ARG2: variants seen among roughly 807,000 people sequenced by gnomAD.
The protein encoded by ARG2 is arginase-2, mitochondrial.
A neutral mutation model predicts 39.4 loss-of-function variants in ARG2; 21 were observed. The observed-to-expected ratio is 0.53, with a 90% confidence interval of 0.38 to 0.77. The LOEUF (loss-of-function observed/expected upper bound fraction) is 0.77. Among genes scored for constraint, ARG2 ranks in the 30% least tolerant of loss-of-function variants. The pLI is 0.00. For synonymous variants in ARG2, 150 were observed against 156.7 expected, an observed-to-expected ratio of 0.96 and a Z score of 0.32; for missense variants, 378 against 426.2, an observed-to-expected ratio of 0.89 and a Z score of 1.00.
rs768854931 is a variant in ARG2 at position 67,651,300 on chromosome 14, G to C, written c.*380G>C. The C allele has an allele frequency of 3.1e-6, 5 of 1,605,644 alleles. No homozygotes were observed. The South Asian group carries it at 5.6e-5, about 18-fold the overall frequency. On this transcript the variant is annotated 3_prime_UTR_variant, in exon 8 of 8. Coordinates refer to ENST00000261783, the MANE Select transcript of ARG2 (RefSeq NM_001172.4). ...ATCCTTGAACTGTCAGCCCACAGCA[G>C]CAATATGCTTATTCTATCCACATCC...
chr14:67,637,166 TTGGGAGGCTGAAG>T (rs2036980107), intron 2 of ARG2, among the ~76,000 whole-genome samples: 1 of 151,942 alleles, frequency 6.6e-6, no homozygotes, highest in South Asian at 2.1e-4. Context: ...TCCTAGCGCT[TTGGGAGGCTGAAG>T]TGGGAGGATC....
At chr14:67,647,099 C>T in intron 6 of ARG2, 74 bp downstream of exon 6, 1 of 965,334 alleles carries the variant, frequency 1.0e-6, no homozygotes, top group Non-Finnish European at 1.6e-6. Flanking sequence ...TTGAGGACAG[C>T]AGCTTTACTT....
In ARG2 at chr14:67,650,800, A is replaced by G. The variant is rs1278177596; in HGVS notation, c.945A>G (p.Ala315=). Residue 315 remains alanine (A), a synonymous_variant, in exon 8 of 8, where the codon GCA becomes GCG. Transcript: ENST00000261783. ...AGGCGAAGACTACAGCTAACCTGGC[A>G]GTAGATGTGATTGCTTCAAGCTTTG... ...EEEAKTTANL[A]VDVIASSFGQ... The G allele has an allele frequency of 7.4e-6, 12 of 1,614,064 alleles. No homozygotes were observed. The highest frequency in any genetic ancestry group is 1.0e-5 in the Non-Finnish European group (12 of 1,180,018).
chr14:67,625,342 G>T (rs564672241), intron 2 of ARG2, among the ~76,000 whole-genome samples: 1 of 152,034 alleles, frequency 6.6e-6, no homozygotes, highest in African/African-American at 2.4e-5. Context: ...AATTAAACTT[G>T]ACTTAGCTAA....
intron 2 of ARG2, among the ~76,000 whole-genome samples, chr14:67,623,298 T>G (rs1156688750): frequency 6.6e-6 from 1 of 152,188 alleles, no homozygotes; most frequent in African/African-American, 2.4e-5. Flanking sequence ...ACTTGAGTGT[T>G]TTGAACACTT....
intron 2 of ARG2, among the ~76,000 whole-genome samples, chr14:67,636,087 C>T (rs889227940): frequency 6.6e-6 from 1 of 152,070 alleles, no homozygotes; most frequent in Non-Finnish European, 1.5e-5. Context: ...AAACTGCACA[C>T]TAAGAGGCCC....
At chr14:67,645,497 C>T (rs997003946) in intron 3 of ARG2, 146 bp from the exon 4 acceptor site, 1 of 794,754 alleles carries the variant, frequency 1.3e-6, no homozygotes, top group African/African-American at 1.8e-5. Flanking sequence ...ACTACAACTA[C>T]AGGTCTTGCC....
Position 67,620,080 on chromosome 14 carries a change from C to T in ARG2, c.103C>T (p.Gln35Ter). 1.9e-6 allele frequency: 3 copies of T among 1,605,508 alleles called. No homozygotes were observed. The highest frequency in any genetic ancestry group is 1.7e-6 in the Non-Finnish European group (2 of 1,175,730). ...GGCTGTGATAGGAGCCCCGTTCTCA[C>T]AAGGGCAGGTGAGAACTGGCACCTG... ...SVAVIGAPFS[Q>*]GQKRKGVEHG... Residue 35 changes from glutamine to a stop codon, truncating the protein, a stop_gained, in exon 1 of 8, where the codon CAA becomes TAA. Coordinates refer to ENST00000261783, the MANE Select transcript of ARG2 (RefSeq NM_001172.4). LOFTEE classifies it high-confidence loss of function.
intron 2 of ARG2, among the ~76,000 whole-genome samples, chr14:67,636,858 C>CT (rs1314142213): frequency 6.6e-6 from 1 of 152,208 alleles, no homozygotes; most frequent in Non-Finnish European, 1.5e-5. Context: ...TCAGGCTCCT[C>CT]TTGTCCTACA....
intron 2 of ARG2, among the ~76,000 whole-genome samples, chr14:67,623,469 T>C (rs2036831576): frequency 6.6e-6 from 1 of 152,108 alleles, no homozygotes; most frequent in South Asian, 2.1e-4. Flanking sequence ...GTATTTGACT[T>C]AGTGTCTGGG....
At chr14:67,621,252 AC>A (rs776272807) in intron 2 of ARG2, among the ~76,000 whole-genome samples, 60 of 152,226 alleles carry the variant, frequency 3.9e-4, no homozygotes, top group Non-Finnish European at 7.6e-4. Flanking sequence ...CTTCAACTGC[AC>A]AGTCAACCTT....
At chr14:67,620,765 A>G in intron 1 of ARG2, 129 bp from the exon 2 acceptor site, 2 of 815,190 alleles carry the variant, frequency 2.5e-6, no homozygotes, top group Non-Finnish European at 4.0e-6. Flanking sequence ...AGTTGGAAGG[A>G]CAGTCATTGA....
intron 2 of ARG2, among the ~76,000 whole-genome samples, chr14:67,638,093 GCTGAC>G (rs2036991484): frequency 6.6e-6 from 1 of 152,192 alleles, no homozygotes. Context: ...AAAGCCTCCT[GCTGAC>G]CTGGAATATC....
chr14:67,631,251 G>A (rs904332853), intron 2 of ARG2, among the ~76,000 whole-genome samples: 15 of 152,144 alleles, frequency 9.9e-5, no homozygotes, highest in Admixed American at 2.0e-4. Flanking sequence ...ATGTGGCTTC[G>A]TAGGCCATCA....
chr14:67,633,892 A>C (rs1325759755), intron 2 of ARG2, among the ~76,000 whole-genome samples: 1 of 152,146 alleles, frequency 6.6e-6, no homozygotes, highest in Non-Finnish European at 1.5e-5. Context: ...GCTGCTTCTG[A>C]GAAGTTCTCC....
chr14:67,622,123 G>A (rs1156654047), intron 2 of ARG2, among the ~76,000 whole-genome samples: 1 of 152,052 alleles, frequency 6.6e-6, no homozygotes, highest in Non-Finnish European at 1.5e-5. Flanking sequence ...TGGCAGGAAG[G>A]TTCTTCTTTA....
intron 6 of ARG2, 32 bp from the exon 7 acceptor site, chr14:67,648,003 GTTAAGTATTATT>G (rs760313587): frequency 6.8e-5 from 104 of 1,532,370 alleles, no homozygotes; most frequent in Admixed American, 5.8e-4. Context: ...AGGACAACCA[GTTAAGTATTATT>G]TTAAGTATTA....
At chr14:67,639,237 G>C (rs1416031057) in intron 2 of ARG2, among the ~76,000 whole-genome samples, 1 of 152,178 alleles carries the variant, frequency 6.6e-6, no homozygotes, top group Non-Finnish European at 1.5e-5. Flanking sequence ...GTTTATCTGA[G>C]TCTACATCCT....
chr14:67,639,924 C>CA (rs5809358), intron 2 of ARG2, among the ~76,000 whole-genome samples: 11,869 of 61,640 alleles, frequency 0.19, 1,489 homozygotes, highest in African/African-American at 0.28. Flanking sequence ...GACCCTGTCT[C>CA]AAAAAAAAAA....
Sources: allele counts gnomAD v4.1 joint callset (sites outside exome capture counted in the v4.1 genomes callset), GRCh38; gene constraint gnomAD v4.1.1; transcripts MANE v1.5; gene names NCBI Gene and HGNC (gene_info 2026-07-23, HGNC 2026-07-21).